Variants in RIT2 observed in about 807,000 individuals in gnomAD.
RIT2 encodes Ras like without CAAX 2.
RIT2 carries 24 observed loss-of-function variants against 23.7 expected under a neutral mutation model. The observed-to-expected ratio is 1.01, with a 90% CI of 0.73 to 1.43. RIT2 has a LOEUF of 1.43. RIT2 is among the 40% of genes most tolerant of loss of function. RIT2 has a pLI of 0.00. For synonymous variants in RIT2, 107 were observed against 91.1 expected (o/e 1.17, Z -0.99); for missense variants, 236 against 266.9 (o/e 0.88, Z 0.81).
chr18:42,989,701 G>A (rs1039980247), intron 2 of RIT2, among the ~76,000 whole-genome samples: 1 of 152,112 alleles, frequency 6.6e-6, no homozygotes, highest in African/African-American at 2.4e-5. Flanking sequence ...TAGAGAGAAA[G>A]GATCACTTGC....
intron 4 of RIT2, among the ~76,000 whole-genome samples, chr18:42,842,040 T>G (rs2144025013): frequency 6.6e-6 from 1 of 152,336 alleles, no homozygotes; most frequent in African/African-American, 2.4e-5. Flanking sequence ...TCCAGACAAC[T>G]TCCAGCCAGT....
At position 42,897,837 on chromosome 18, in the gene RIT2, A is replaced by T. The variant is rs1908372521; in HGVS notation, c.426+25735T>A. 3.9e-5 allele frequency among the ~76,000 whole-genome samples: 6 copies of T among 152,190 alleles called. No individual in the cohort carries two copies. The South Asian group carries it at 1.2e-3, about 31-fold the overall frequency. On this transcript the variant is annotated intron_variant, in intron 4 of 4. Coordinates refer to ENST00000326695, the MANE Select transcript of RIT2 (RefSeq NM_002930.4). Reference sequence around the variant, plus strand: ...ATCAAGTATAAAGATGCCTGGATGTAAATAATTAGGCTTAGGGATGGAATG... The same window carrying T: ...ATCAAGTATAAAGATGCCTGGATGTTAATAATTAGGCTTAGGGATGGAATG...
chr18:43,011,507 T>C (rs1373427878), intron 2 of RIT2, among the ~76,000 whole-genome samples: 1 of 151,832 alleles, frequency 6.6e-6, no homozygotes, highest in East Asian at 1.9e-4. Flanking sequence ...CATTTATAGA[T>C]TAAAGAAAAG....
intron 4 of RIT2, among the ~76,000 whole-genome samples, chr18:42,858,804 A>C (rs911726227): frequency 1.3e-5 from 2 of 152,196 alleles, no homozygotes; most frequent in African/African-American, 4.8e-5. Flanking sequence ...TGGAATCATA[A>C]TATGTGGTCT....
At chr18:42,792,662 G>T (rs550248252) in intron 4 of RIT2, among the ~76,000 whole-genome samples, 1 of 152,264 alleles carries the variant, frequency 6.6e-6, no homozygotes, top group South Asian at 2.1e-4. Flanking sequence ...AGATTGCACG[G>T]TGTGTCGAAG....
intron 4 of RIT2, among the ~76,000 whole-genome samples, chr18:42,810,329 C>A (rs1438996212): frequency 6.6e-6 from 1 of 151,754 alleles, no homozygotes; most frequent in Non-Finnish European, 1.5e-5. Flanking sequence ...TCCTCTAGTG[C>A]ACTTGCAAAG....
At chr18:43,096,215 G>T (rs547940980) in intron 1 of RIT2, among the ~76,000 whole-genome samples, 1 of 151,988 alleles carries the variant, frequency 6.6e-6, no homozygotes, top group East Asian at 1.9e-4. Context: ...AGATGGTCTA[G>T]ATTAGCACCA....
At chr18:42,971,748 T>A (rs1356954488) in intron 3 of RIT2, among the ~76,000 whole-genome samples, 1 of 151,960 alleles carries the variant, frequency 6.6e-6, no homozygotes, top group African/African-American at 2.4e-5. Context: ...TCTCAATCAC[T>A]GAGGACAAAG....
intron 4 of RIT2, among the ~76,000 whole-genome samples, chr18:42,900,958 G>T (rs1249307196): frequency 6.6e-6 from 1 of 151,720 alleles, no homozygotes; most frequent in Non-Finnish European, 1.5e-5. Context: ...TTTATATCAC[G>T]GTTAAAATTT....
intron 1 of RIT2, among the ~76,000 whole-genome samples, chr18:43,055,051 T>G (rs1388057025): frequency 6.6e-6 from 1 of 152,132 alleles, no homozygotes; most frequent in Non-Finnish European, 1.5e-5. Flanking sequence ...AGCTAGGGCC[T>G]GATACACTGT....
chr18:43,112,243 A>G (rs1257684074), intron 1 of RIT2, among the ~76,000 whole-genome samples: 2 of 152,144 alleles, frequency 1.3e-5, no homozygotes, highest in Non-Finnish European at 2.9e-5. Flanking sequence ...AACATCACAG[A>G]ACTCTAAATT....
intron 4 of RIT2, among the ~76,000 whole-genome samples, chr18:42,772,935 C>G (rs948386868): frequency 6.6e-6 from 1 of 152,066 alleles, no homozygotes; most frequent in Non-Finnish European, 1.5e-5. Flanking sequence ...AACCATGGGT[C>G]TGGGAGAAGG....
intron 4 of RIT2, among the ~76,000 whole-genome samples, chr18:42,891,467 A>G (rs1908173493): frequency 1.3e-5 from 2 of 152,200 alleles, no homozygotes; most frequent in Admixed American, 6.5e-5. Flanking sequence ...ACATAGATTC[A>G]TGGTTGCCAG....
rs145142643 is a variant in RIT2 at position 43,072,790 on chromosome 18, T to C, written c.104-38923A>G. Reference sequence around the variant, plus strand: ...CTTGCAAGGTTGTAACTAATTAATCTCTTACTGGAATTGACACTAAAGGAA... The same window carrying C: ...CTTGCAAGGTTGTAACTAATTAATCCCTTACTGGAATTGACACTAAAGGAA... On this transcript the variant is annotated intron_variant, in intron 1 of 4. Coordinates refer to ENST00000326695, the MANE Select transcript of RIT2 (RefSeq NM_002930.4). Among the ~76,000 whole-genome samples, 70 of 152,254 alleles carry C rather than the reference T, an allele frequency of 4.6e-4. No homozygotes were observed. The East Asian group carries it at 0.013, about 28-fold the overall frequency.
chr18:42,920,626 CT>C (rs1568030443), intron 4 of RIT2: 1 of 1,046,096 alleles, frequency 9.6e-7, no homozygotes, highest in Non-Finnish European at 1.4e-6. Context: ...TGTTTTTTTT[CT>C]TTTTATCTTT....
chr18:42,881,253 G>T (rs564318464), intron 4 of RIT2, among the ~76,000 whole-genome samples: 1 of 152,182 alleles, frequency 6.6e-6, no homozygotes, highest in South Asian at 2.1e-4. Context: ...GTTGTCACTT[G>T]TTTTCCATAT....
In RIT2 at chr18:42,901,186, T is replaced by C. The variant is rs544842146; in HGVS notation, c.426+22386A>G. ...CATTATTAATTGTATTAGATATTGATGCTTGAGTTCATATTAGTTTAATAT... is the reference window on the plus strand; with the variant it reads ...CATTATTAATTGTATTAGATATTGACGCTTGAGTTCATATTAGTTTAATAT... On this transcript the variant is annotated intron_variant, in intron 4 of 4. Transcript: ENST00000326695. 2.0e-5 allele frequency among the ~76,000 whole-genome samples: 3 copies of C among 152,202 alleles called. No homozygotes were observed. In the South Asian group the frequency reaches 6.2e-4, roughly 32 times the overall value.
At chr18:43,058,424 A>T (rs140052759) in intron 1 of RIT2, among the ~76,000 whole-genome samples, 5 of 152,188 alleles carry the variant, frequency 3.3e-5, no homozygotes, top group Non-Finnish European at 7.4e-5. Flanking sequence ...TCCATCCCAG[A>T]CCCACTAAAT....
At chr18:43,083,817 G>A (rs751096720) in intron 1 of RIT2, among the ~76,000 whole-genome samples, 48 of 152,254 alleles carry the variant, frequency 3.2e-4, no homozygotes, top group Non-Finnish European at 5.6e-4. Context: ...TTAGGATATA[G>A]GCATGGGCAA....
Sources: allele counts gnomAD v4.1 joint callset (sites outside exome capture counted in the v4.1 genomes callset), GRCh38; gene constraint gnomAD v4.1.1; transcripts MANE v1.5; gene names NCBI Gene and HGNC (gene_info 2026-07-23, HGNC 2026-07-21).